Variants in MGAT4C observed in about 807,000 individuals in gnomAD.
MGAT4C encodes the protein alpha-1,3-mannosyl-glycoprotein 4-beta-N-acetylglucosaminyltransferase C.
Under a neutral mutation model 40.1 loss-of-function variants are expected in MGAT4C, and 19 were observed. That is an observed-to-expected ratio of 0.47 (90% CI 0.33 to 0.70). MGAT4C has a LOEUF of 0.70. MGAT4C is among the 30% of genes least tolerant of loss of function. MGAT4C has a pLI of 0.02. For missense variants in MGAT4C, 491 were observed against 563.2 expected (o/e 0.87, Z 1.30); for synonymous variants, 181 against 187.1 (o/e 0.97, Z 0.27).
In MGAT4C at chr12:86,662,813, T is replaced by C. The variant is rs544492978; in HGVS notation, c.-229+64396A>G. Among the ~76,000 whole-genome samples the C allele has an allele frequency of 2.6e-5, 4 of 152,262 alleles. No homozygotes were observed. In the South Asian group the frequency reaches 8.3e-4, roughly 32 times the overall value. ...TAAACTAATTTGATCACTAGTAAGG[T>C]TTTGAAAGGCCACAAGTAAGCCAAT... On this transcript the variant is annotated intron_variant, in intron 2 of 7. Transcript: ENST00000548651.
chr12:86,450,566 A>G (rs887073606), intron 2 of MGAT4C, among the ~76,000 whole-genome samples: 3 of 152,014 alleles, frequency 2.0e-5, no homozygotes, highest in African/African-American at 7.2e-5. Context: ...AGTTTTGTTA[A>G]CATATATTTA....
intron 2 of MGAT4C, among the ~76,000 whole-genome samples, chr12:86,548,224 A>C (rs2136393059): frequency 6.6e-6 from 1 of 152,202 alleles, no homozygotes; most frequent in South Asian, 2.1e-4. Context: ...CAAAGTAAGA[A>C]ACTGAAGATA....
intron 2 of MGAT4C, among the ~76,000 whole-genome samples, chr12:86,628,474 A>AC (rs1962898697): frequency 5.7e-3 from 2 of 350 alleles, no homozygotes; most frequent in Admixed American, 0.036. Context: ...ATGAAGGAAA[A>AC]AATGTTAAGG....
chr12:86,456,080 CCTCATTCTT>C (rs1410411535), intron 2 of MGAT4C, among the ~76,000 whole-genome samples: 1 of 151,964 alleles, frequency 6.6e-6, no homozygotes, highest in Non-Finnish European at 1.5e-5. Flanking sequence ...CCTTCCTATT[CCTCATTCTT>C]CTCATTAAGG....
chr12:86,510,077 G>T (rs1338453762), intron 2 of MGAT4C, among the ~76,000 whole-genome samples: 4 of 152,074 alleles, frequency 2.6e-5, no homozygotes, highest in African/African-American at 9.7e-5. Context: ...TAATTGCCCT[G>T]GCCAGAACTT....
intron 2 of MGAT4C, among the ~76,000 whole-genome samples, chr12:86,644,334 GGTCA>G (rs1963476347): frequency 6.6e-6 from 1 of 151,574 alleles, no homozygotes; most frequent in Admixed American, 6.6e-5. Flanking sequence ...ATTTTAAAAT[GGTCA>G]GTCACATTAG....
In MGAT4C at chr12:85,974,598, A is replaced by G. The variant is rs1032639270; in HGVS notation, c.*4691T>C. On this transcript the variant is annotated 3_prime_UTR_variant, in exon 5 of 5. Coordinates refer to ENST00000611864, the MANE Select transcript of MGAT4C (RefSeq NM_001351288.2). Reference sequence around the variant, plus strand: ...ACCATATGTAGATACACACATGCACATATGCAATAATGAAATCATTTCAAA... The same window carrying G: ...ACCATATGTAGATACACACATGCACGTATGCAATAATGAAATCATTTCAAA... The G allele has an allele frequency of 2.0e-5, 3 of 150,782 alleles. No homozygotes were observed. Among genetic ancestry groups the G allele is most frequent in the African/African-American group, 4.8e-5 (2 of 41,300 alleles). The allele number at this position is 150,782 out of a possible 1,614,324, so 9.3% of individuals were successfully genotyped here. A position where few individuals can be genotyped will look rare whatever the true frequency, so the allele number is the denominator to read the frequency against.
Position 86,532,649 on chromosome 12 carries a change from G to A in MGAT4C, c.-228-97384C>T, listed in dbSNP as rs1347609813. Among the ~76,000 whole-genome samples the A allele has an allele frequency of 2.0e-5, 3 of 152,036 alleles. No individual in the cohort carries two copies. In the East Asian group the frequency reaches 5.8e-4, roughly 29 times the overall value. On this transcript the variant is annotated intron_variant, in intron 2 of 7. Coordinates refer to the MGAT4C transcript ENST00000548651. The stretch of plus-strand genomic sequence containing the variant: ...TAACTAGCTGTAAATTAAGGCAATA[G>A]TATGGATTTAGAAACAACCTATTAA...
At chr12:86,100,710 C>T (rs984911052) in intron 1 of MGAT4C, among the ~76,000 whole-genome samples, 10 of 151,304 alleles carry the variant, frequency 6.6e-5, no homozygotes, top group African/African-American at 2.4e-4. Flanking sequence ...TATTTTCTAT[C>T]TCTAGGGTCC....
intron 1 of MGAT4C, among the ~76,000 whole-genome samples, chr12:86,099,057 A>G (rs1306005227): frequency 1.3e-5 from 2 of 151,406 alleles, no homozygotes; most frequent in African/African-American, 4.8e-5. Flanking sequence ...TAATTCATTT[A>G]TAATTTATAT....
Position 86,658,138 on chromosome 12 carries a change from A to G in MGAT4C, c.-229+69071T>C, listed in dbSNP as rs561366040. Among the ~76,000 whole-genome samples, 5 of 152,168 alleles carry G rather than the reference A, an allele frequency of 3.3e-5. No individual in the cohort carries two copies. In the South Asian group the frequency reaches 1.0e-3, roughly 31 times the overall value. On this transcript the variant is annotated intron_variant, in intron 2 of 7. Transcript: ENST00000548651. The stretch of plus-strand genomic sequence containing the variant: ...ATGCAGATAGATATAGTTAACTTTT[A>G]TGAAGGCATTTATACAAAATGTACT...
intron 1 of MGAT4C, among the ~76,000 whole-genome samples, chr12:86,182,213 T>C (rs537835031): frequency 6.6e-6 from 1 of 152,286 alleles, no homozygotes; most frequent in South Asian, 2.1e-4. Context: ...TTTTCTCTTC[T>C]ATCTTTATTT....
chr12:86,636,909 T>C (rs1963235261), intron 2 of MGAT4C, among the ~76,000 whole-genome samples: 1 of 152,028 alleles, frequency 6.6e-6, no homozygotes, highest in African/African-American at 2.4e-5. Flanking sequence ...CCTATAATAA[T>C]TCCATAATTA....
intron 1 of MGAT4C, among the ~76,000 whole-genome samples, chr12:86,835,870 A>ACACACACACACAC (rs1953027146): frequency 6.6e-6 from 1 of 151,388 alleles, no homozygotes; most frequent in Non-Finnish European, 1.5e-5. Context: ...CACACACACA[A>ACACACACACACAC]ACACACACAC....
At chr12:86,317,582 G>T (rs932672069) in intron 4 of MGAT4C, among the ~76,000 whole-genome samples, 1 of 152,010 alleles carries the variant, frequency 6.6e-6, no homozygotes, top group Non-Finnish European at 1.5e-5. Context: ...ATGTGTGACT[G>T]GGATGGTAGT....
chr12:86,747,362 C>T (rs938575732), intron 1 of MGAT4C, among the ~76,000 whole-genome samples: 10 of 151,550 alleles, frequency 6.6e-5, no homozygotes, highest in East Asian at 3.9e-4. Context: ...TCCAACTAGG[C>T]GTGTATTTCA....
At chr12:86,740,742 A>T (rs1052335682) in intron 1 of MGAT4C, among the ~76,000 whole-genome samples, 2 of 151,252 alleles carry the variant, frequency 1.3e-5, no homozygotes, top group African/African-American at 4.8e-5. Context: ...GTCTGGTCTT[A>T]TTCTTAATGA....
chr12:86,097,259 G>T (rs1874103551), intron 1 of MGAT4C, among the ~76,000 whole-genome samples: 1 of 151,544 alleles, frequency 6.6e-6, no homozygotes, highest in African/African-American at 2.4e-5. Context: ...TGTATTGCAA[G>T]AACCATTGAT....
intron 2 of MGAT4C, chr12:86,599,445 C>A (rs1961677030): frequency 6.6e-6 from 1 of 152,142 alleles, no homozygotes; most frequent in East Asian, 1.9e-4. Context: ...GATAACACAA[C>A]CCAAATAAGA....
Sources: allele counts gnomAD v4.1 joint callset (sites outside exome capture counted in the v4.1 genomes callset), GRCh38; gene constraint gnomAD v4.1.1; transcripts MANE v1.5; gene names NCBI Gene and HGNC (gene_info 2026-07-23, HGNC 2026-07-21).